SLC24A2: variants seen among roughly 807,000 people sequenced by gnomAD.
SLC24A2 encodes the protein sodium/potassium/calcium exchanger 2.
SLC24A2 carries 36 observed loss-of-function variants against 62.0 expected under a neutral mutation model. The ratio of observed to expected loss-of-function variants is 0.58; its 90% CI spans 0.44 to 0.77. The LOEUF is 0.77. SLC24A2 is among the 30% of genes least tolerant of loss of function. SLC24A2 has a pLI of 0.00. For synonymous variants in SLC24A2, 358 were observed against 294.0 expected, an observed-to-expected ratio of 1.22 and a Z score of -2.23; for missense variants, 846 against 817.9, an observed-to-expected ratio of 1.03 and a Z score of -0.42.
chr9:19,958,970 A>G, the SLC24A2 span, among the ~76,000 whole-genome samples: 4 of 152,154 alleles, frequency 2.6e-5, no homozygotes, highest in South Asian at 6.2e-4. Context: ...AGTCTGAACA[A>G]TTTTTGTGTA....
chr9:20,156,119 C>T, the SLC24A2 span, among the ~76,000 whole-genome samples: 14 of 151,844 alleles, frequency 9.2e-5, no homozygotes, highest in Non-Finnish European at 1.3e-4. Context: ...TTCTCCCTCA[C>T]CACTACTCCT....
the SLC24A2 span, among the ~76,000 whole-genome samples, chr9:19,968,840 G>A: frequency 1.3e-3 from 194 of 152,222 alleles, no homozygotes; most frequent in African/African-American, 3.8e-3. Flanking sequence ...TCTGCAGCAA[G>A]GAAATCATTT....
intron 2 of SLC24A2, among the ~76,000 whole-genome samples, chr9:19,689,292 C>T (rs1819974615): frequency 6.6e-6 from 1 of 152,132 alleles, no homozygotes; most frequent in Non-Finnish European, 1.5e-5. Context: ...GCAAATAAAT[C>T]AGCCATTTAT....
chr9:19,990,191 G>A, the SLC24A2 span, among the ~76,000 whole-genome samples: 2 of 152,112 alleles, frequency 1.3e-5, no homozygotes, highest in South Asian at 2.1e-4. Flanking sequence ...TTTTATAGAT[G>A]AGGAAACTGG....
At chr9:20,293,691 T>C in the SLC24A2 span, among the ~76,000 whole-genome samples, 2 of 152,314 alleles carry the variant, frequency 1.3e-5, no homozygotes, top group East Asian at 3.9e-4. Context: ...TCATCTCCTA[T>C]GATCTATGAC....
chr9:20,234,949 G>C, the SLC24A2 span, among the ~76,000 whole-genome samples: 4 of 152,348 alleles, frequency 2.6e-5, no homozygotes, highest in Non-Finnish European at 5.9e-5. Context: ...CTAACAGACA[G>C]GACCCTCAGC....
intron 2 of SLC24A2, among the ~76,000 whole-genome samples, chr9:19,660,074 G>C (rs1031868771): frequency 1.3e-5 from 2 of 152,302 alleles, no homozygotes; most frequent in South Asian, 4.1e-4. Context: ...ACGGATGAAA[G>C]ATGCAGGTCT....
chr9:19,975,431 G>A, the SLC24A2 span, among the ~76,000 whole-genome samples: 1 of 152,146 alleles, frequency 6.6e-6, no homozygotes, highest in East Asian at 1.9e-4. Flanking sequence ...ACATGGAATT[G>A]AAGGGAAATA....
At chr9:19,992,224 C>T in the SLC24A2 span, among the ~76,000 whole-genome samples, 2 of 152,228 alleles carry the variant, frequency 1.3e-5, no homozygotes, top group Admixed American at 1.3e-4. Flanking sequence ...GGGGGGATGT[C>T]CAATAGGCTT....
At chr9:20,169,252 G>T in the SLC24A2 span, among the ~76,000 whole-genome samples, 1 of 151,932 alleles carries the variant, frequency 6.6e-6, no homozygotes, top group Non-Finnish European at 1.5e-5. Context: ...AAAAAGTTTG[G>T]AGTATAGATT....
chr9:20,054,589 G>T, the SLC24A2 span, among the ~76,000 whole-genome samples: 1 of 152,110 alleles, frequency 6.6e-6, no homozygotes, highest in East Asian at 1.9e-4. Flanking sequence ...CCCCTCCCAT[G>T]CTTCCCTCCT....
chr9:19,552,482 C>T (rs1041443339), intron 7 of SLC24A2, among the ~76,000 whole-genome samples: 5 of 152,142 alleles, frequency 3.3e-5, no homozygotes, highest in South Asian at 4.1e-4. Flanking sequence ...GGTACTGCAT[C>T]ATTCTTAATA....
At chr9:20,011,445 G>C in the SLC24A2 span, among the ~76,000 whole-genome samples, 2 of 152,304 alleles carry the variant, frequency 1.3e-5, no homozygotes, top group African/African-American at 4.8e-5. Context: ...TTCAACAGCA[G>C]ACTTGATCTA....
chr9:19,844,577 C>A, the SLC24A2 span, among the ~76,000 whole-genome samples: 1 of 151,942 alleles, frequency 6.6e-6, no homozygotes, highest in African/African-American at 2.4e-5. Flanking sequence ...GGGATTTAGT[C>A]ATAAATTCTT....
the SLC24A2 span, among the ~76,000 whole-genome samples, chr9:20,150,812 A>T: frequency 6.6e-6 from 1 of 152,002 alleles, no homozygotes; most frequent in African/African-American, 2.4e-5. Flanking sequence ...TAAATATAGT[A>T]TGATTTTTAC....
the SLC24A2 span, among the ~76,000 whole-genome samples, chr9:19,980,544 C>T: frequency 6.6e-6 from 1 of 151,980 alleles, no homozygotes; most frequent in Non-Finnish European, 1.5e-5. Flanking sequence ...TGGCTTATTT[C>T]CATCACCCAT....
the SLC24A2 span, among the ~76,000 whole-genome samples, chr9:20,291,306 T>A: frequency 3.3e-5 from 5 of 151,590 alleles, no homozygotes; most frequent in Non-Finnish European, 7.4e-5. Context: ...GTTGGGGAAA[T>A]CAAGAAAGGC....
chr9:19,532,930 G>A (rs1036512285), intron 8 of SLC24A2, among the ~76,000 whole-genome samples: 9 of 151,976 alleles, frequency 5.9e-5, no homozygotes, highest in Admixed American at 1.3e-4. Context: ...TAACTTTTTC[G>A]GTCCTTAGTT....
At chr9:19,768,819 T>C (rs1327486709) in intron 2 of SLC24A2, among the ~76,000 whole-genome samples, 3 of 152,214 alleles carry the variant, frequency 2.0e-5, no homozygotes, top group Non-Finnish European at 4.4e-5. Context: ...TGGCTTCCCA[T>C]TCTCCAGTCT....
Sources: gnomAD v4.1 joint callset for allele counts (sites outside exome capture counted in the v4.1 genomes callset) on GRCh38, gnomAD v4.1.1 for gene constraint, MANE v1.5 for transcripts, NCBI Gene and HGNC (gene_info 2026-07-23, HGNC 2026-07-21) for gene names.